Variants in ITFG2 observed in about 807,000 individuals in gnomAD.
ITFG2 encodes integrin alpha FG-GAP repeat containing 2.
In ITFG2, 36 loss-of-function variants were observed where a neutral mutation model predicts 54.4. The observed-to-expected ratio is 0.66, with a 90% CI of 0.51 to 0.87. The LOEUF is 0.87. Among genes scored for constraint, ITFG2 ranks in the 40% least tolerant of loss-of-function variants. The pLI, the probability that ITFG2 is intolerant of heterozygous loss-of-function variation, is 0.00. For missense variants in ITFG2, 524 were observed against 576.7 expected (o/e 0.91, Z 0.94); for synonymous variants, 211 against 225.4 (o/e 0.94, Z 0.57).
At chr12:2,814,038 G>T (rs2097915827) in intron 1 of ITFG2, among the ~76,000 whole-genome samples, 1 of 152,132 alleles carries the variant, frequency 6.6e-6, no homozygotes, top group South Asian at 2.1e-4. Flanking sequence ...TGAACTCCTG[G>T]GCTCAAATGA....
downstream of ITFG2, chr12:2,825,552 T>C (rs1458272703): frequency 6.6e-6 from 1 of 152,542 alleles, no homozygotes; most frequent in East Asian, 1.9e-4. Context: ...GCACAAGTGA[T>C]AAGTGAGCCC....
chr12:2,828,188 A>C, downstream of ITFG2: 1 of 1,137,312 alleles, frequency 8.8e-7, no homozygotes, highest in Non-Finnish European at 1.3e-6. Context: ...CTTCTCTGCC[A>C]GAGTCTTCTA....
chr12:2,840,327 C>G (rs1014738412), intron 1 of ITFG2, among the ~76,000 whole-genome samples: 12 of 151,768 alleles, frequency 7.9e-5, no homozygotes, highest in African/African-American at 2.9e-4. Context: ...GTGGCTCATG[C>G]CTGTAGTCCC....
At chr12:2,857,343 TGGGCCCTTCCTGCCCTAATGTTCAGG>T in intron 2 of ITFG2, 1 of 425,270 alleles carries the variant, frequency 2.4e-6, no homozygotes, top group Non-Finnish European at 4.3e-6. Context: ...CACCTGTAAC[TGGGCCCTTCCTGCCCTAATGTTCAGG>T]GGGCCCTACC....
chr12:2,835,159 A>ATGTGTGTGTGTGTGTATG (rs2098022650), upstream of ITFG2: 1 of 1,007,696 alleles, frequency 9.9e-7, no homozygotes, highest in South Asian at 2.3e-5. Context: ...GATGGGGCGT[A>ATGTGTGTGTGTGTGTATG]TGTGTGTGTG....
intron 1 of ITFG2, among the ~76,000 whole-genome samples, chr12:2,838,197 T>C (rs779681183): frequency 6.6e-6 from 1 of 152,178 alleles, no homozygotes; most frequent in African/African-American, 2.4e-5. Context: ...TAATCTATAA[T>C]TGATAGATTA....
intron 2 of ITFG2, chr12:2,849,208 G>C (rs759880178): frequency 1.5e-5 from 23 of 1,524,336 alleles, no homozygotes; most frequent in Admixed American, 4.1e-5. Context: ...TGGGTATCAC[G>C]ATCGTCCCCT....
chr12:2,855,195 G>A (rs1354699888), intron 2 of ITFG2: 1 of 1,507,966 alleles, frequency 6.6e-7, no homozygotes, highest in East Asian at 2.5e-5. Flanking sequence ...GCTGGGTGGG[G>A]AAGGTGGCAG....
intron 2 of ITFG2, among the ~76,000 whole-genome samples, chr12:2,855,999 T>C (rs1488887447): frequency 6.6e-6 from 1 of 152,100 alleles, no homozygotes; most frequent in East Asian, 1.9e-4. Flanking sequence ...AAAACGCTAG[T>C]ATAGAAAGCA....
chr12:2,819,927 T>A (rs898056891), intron 4 of ITFG2, 159 bp from the exon 5 acceptor site: 20 of 828,146 alleles, frequency 2.4e-5, no homozygotes, highest in South Asian at 1.8e-4. Context: ...ACGGGCAAGA[T>A]GCCGCAAACA....
In ITFG2 at chr12:2,818,141, T is replaced by C. The variant is rs1401018269; in HGVS notation, c.270T>C (p.Phe90=). Reference sequence around the variant, plus strand: ...TGGCAGTGAGTGCTGAAGGCTGGTTTCATTTGTTTGACCTGACACCTGCCA... The same window carrying C: ...TGGCAGTGAGTGCTGAAGGCTGGTTCCATTTGTTTGACCTGACACCTGCCA... ...LLVAVSAEGW[F]HLFDLTPAKV... Residue 90 remains phenylalanine, a synonymous_variant, in exon 4 of 12, where the codon TTT becomes TTC. Transcript: ENST00000228799. 1.2e-6 allele frequency: 2 copies of C among 1,614,164 alleles called. No homozygotes were observed. Among genetic ancestry groups the C allele is most frequent in the Non-Finnish European group, 1.7e-6 (2 of 1,180,040 alleles).
chr12:2,820,948 A>G, intron 6 of ITFG2, 76 bp downstream of exon 6: 2 of 1,498,304 alleles, frequency 1.3e-6, no homozygotes, highest in Non-Finnish European at 1.8e-6. Flanking sequence ...ACATGGTAGT[A>G]AAATGGGTCT....
chr12:2,854,126 A>G (rs1490301281), intron 2 of ITFG2, among the ~76,000 whole-genome samples: 2 of 152,218 alleles, frequency 1.3e-5, no homozygotes, highest in Non-Finnish European at 2.9e-5. Context: ...CCCAGGTTCA[A>G]GTGATTCTCC....
chr12:2,815,479 A>G (rs1464372225), intron 1 of ITFG2, among the ~76,000 whole-genome samples: 1 of 152,244 alleles, frequency 6.6e-6, no homozygotes, highest in Non-Finnish European at 1.5e-5. Flanking sequence ...CAGCCCCTTC[A>G]GGCTCTGCCC....
At chr12:2,834,924 G>T, upstream of ITFG2, 4 of 1,612,354 alleles carry the variant, frequency 2.5e-6, no homozygotes, top group South Asian at 1.1e-5. Flanking sequence ...GTCCCGTGCT[G>T]CAGCTCTCTT....
At chr12:2,815,752 G>A (rs146884201) in intron 1 of ITFG2, among the ~76,000 whole-genome samples, 62 of 152,288 alleles carry the variant, frequency 4.1e-4, no homozygotes, top group African/African-American at 1.5e-3. Flanking sequence ...TCTGGGGTGG[G>A]CCATAGATTG....
At position 2,824,693 on chromosome 12, in the gene ITFG2, A is replaced by C. The variant is rs751906709; in HGVS notation, c.*500A>C. ...GTTTTGTTTTGAAGGATCTTTCTACAGTCTGGTCTTACCCATGTTCCTAGC... is the reference window on the plus strand; with the variant it reads ...GTTTTGTTTTGAAGGATCTTTCTACCGTCTGGTCTTACCCATGTTCCTAGC... On this transcript the variant is annotated 3_prime_UTR_variant, in exon 12 of 12. Transcript: ENST00000228799. The C allele has an allele frequency of 2.5e-4, 45 of 176,918 alleles. No individual in the cohort carries two copies. The highest frequency in any genetic ancestry group is 2.7e-3 in the Middle Eastern group (1 of 366). The allele number at this position is 176,918 out of a possible 1,614,324, so 11.0% of individuals were successfully genotyped here. A position where few individuals can be genotyped will look rare whatever the true frequency, so the allele number is the denominator to read the frequency against.
chr12:2,815,790 C>T lies in ITFG2; in HGVS notation c.97-1433C>T, dbSNP rs965478868. Among the ~76,000 whole-genome samples, 6 of 152,206 alleles carry T rather than the reference C, an allele frequency of 3.9e-5. No individual in the cohort carries two copies. In the South Asian group the frequency reaches 1.0e-3, roughly 26 times the overall value. ...TGTAGCCTCAATTCCTGTAACCTCT[C>T]CTGCCCCCTAACACACACACCCCTA... is the stretch of plus-strand genomic sequence containing the variant. On this transcript the variant is annotated intron_variant, in intron 1 of 11. Transcript: ENST00000228799.
chr12:2,844,175 T>C (rs1256031862), intron 2 of ITFG2, among the ~76,000 whole-genome samples: 1 of 151,686 alleles, frequency 6.6e-6, no homozygotes, highest in East Asian at 2.0e-4. Flanking sequence ...GGAGGATTGC[T>C]TGAGCCTGGG....
Sources: gnomAD v4.1 joint callset for allele counts (sites outside exome capture counted in the v4.1 genomes callset) on GRCh38, gnomAD v4.1.1 for gene constraint, MANE v1.5 for transcripts, NCBI Gene and HGNC (gene_info 2026-07-23, HGNC 2026-07-21) for gene names.